The following PTPRN2 variants were observed in gnomAD, a reference collection of about 807,000 sequenced individuals.
PTPRN2 encodes receptor-type tyrosine-protein phosphatase N2.
In PTPRN2, 74 loss-of-function variants were observed where a neutral mutation model predicts 118.8. The ratio of observed to expected loss-of-function variants is 0.62; its 90% CI spans 0.52 to 0.76. The LOEUF is 0.76. PTPRN2 is among the 30% of genes least tolerant of loss of function. The pLI, the probability that PTPRN2 is intolerant of heterozygous loss-of-function variation, is 0.00. For synonymous variants in PTPRN2, 641 were observed against 608.0 expected (o/e 1.05, Z -0.80); for missense variants, 1,481 against 1,394.4 (o/e 1.06, Z -0.99).
At chr7:157,712,796 A>C (rs1798715982) in intron 12 of PTPRN2, among the ~76,000 whole-genome samples, 1 of 150,076 alleles carries the variant, frequency 6.7e-6, no homozygotes, top group South Asian at 2.1e-4. Context: ...ACACAGACAG[A>C]CGTGCACAGG....
At chr7:158,342,970 G>A (rs982967617) in intron 2 of PTPRN2, among the ~76,000 whole-genome samples, 7 of 152,196 alleles carry the variant, frequency 4.6e-5, no homozygotes, top group Admixed American at 3.3e-4. Context: ...AGCACATGCC[G>A]ATGACCAGCT....
intron 5 of PTPRN2, among the ~76,000 whole-genome samples, chr7:158,178,152 G>T (rs890872021): frequency 6.6e-6 from 1 of 152,022 alleles, no homozygotes; most frequent in Admixed American, 6.6e-5. Context: ...ACATTAAATT[G>T]TCACTCATTT....
chr7:158,346,002 T>G (rs1807483474), intron 2 of PTPRN2, among the ~76,000 whole-genome samples: 1 of 152,158 alleles, frequency 6.6e-6, no homozygotes, highest in South Asian at 2.1e-4. Context: ...TCCCCAACGC[T>G]GGGGATTACA....
intron 2 of PTPRN2, among the ~76,000 whole-genome samples, chr7:158,341,859 G>GC (rs11417258): frequency 0.94 from 78,993 of 84,262 alleles, 37,216 homozygotes; most frequent in Admixed American, 0.95. Flanking sequence ...CACCATAAGA[G>GC]TGTGCCCCGC....
chr7:158,093,251 G>C lies in PTPRN2; in HGVS notation c.1644-11874C>G, dbSNP rs528290589. Among the ~76,000 whole-genome samples, 1 of 119,862 alleles carries C rather than the reference G, an allele frequency of 8.3e-6. No individual in the cohort carries two copies. The highest frequency in any genetic ancestry group is 3.3e-5 in the African/African-American group (1 of 30,164). The allele number at this position is 119,862 out of a possible 152,430, so 78.6% of individuals were successfully genotyped here. On this transcript the variant is annotated intron_variant, in intron 10 of 22. Transcript: ENST00000389418. The surrounding 1 kb of genome is among the most constrained non-coding windows in gnomAD (Gnocchi z 4.4). ...CCCCACACTGTAGACCCACACGCAG[G>C]CCTGCACCGTCCTTTCCTGACTCTG...
chr7:157,568,820 C>T, intron 21 of PTPRN2, 82 bp downstream of exon 21: 1 of 1,428,712 alleles, frequency 7.0e-7, no homozygotes, highest in Non-Finnish European at 9.9e-7. Flanking sequence ...CCAGGGCCTC[C>T]CGTGAACACG....
rs567583593 is a variant in PTPRN2 at position 158,577,768 on chromosome 7, C to T, written c.112+9790G>A. ...GATCCCCAAGTATGGGATGTGATGA[C>T]AGGGACAGGGCCCATCCAGGGCCCA... On this transcript the variant is annotated intron_variant, in intron 1 of 22. Transcript: ENST00000389418. 3.3e-5 allele frequency among the ~76,000 whole-genome samples: 5 copies of T among 152,380 alleles called. No homozygotes were observed. The South Asian group carries it at 8.3e-4, about 25-fold the overall frequency.
chr7:157,916,833 C>T (rs370829195), intron 11 of PTPRN2, among the ~76,000 whole-genome samples: 5 of 132,712 alleles, frequency 3.8e-5, no homozygotes, highest in Admixed American at 7.5e-5. Context: ...GGGCTGGCCA[C>T]GCACCCCGGC....
At chr7:158,469,478 A>G (rs948221845) in intron 2 of PTPRN2, among the ~76,000 whole-genome samples, 3 of 152,184 alleles carry the variant, frequency 2.0e-5, no homozygotes, top group Non-Finnish European at 4.4e-5. Flanking sequence ...CTAGTCCACA[A>G]TGAACACACC....
intron 11 of PTPRN2, among the ~76,000 whole-genome samples, chr7:157,973,848 T>G (rs867280221): frequency 2.6e-5 from 4 of 152,228 alleles, no homozygotes; most frequent in Non-Finnish European, 4.4e-5. Flanking sequence ...TAGCGCTGTC[T>G]TTCTTCCGTT....
chr7:158,200,824 C>G (rs1293069441), intron 4 of PTPRN2, among the ~76,000 whole-genome samples: 3 of 151,948 alleles, frequency 2.0e-5, no homozygotes, highest in Non-Finnish European at 4.4e-5. Flanking sequence ...TATAAAATGA[C>G]AATTACAGAT....
chr7:158,171,314 T>TATATATATATATACATAC (rs1823658711), intron 5 of PTPRN2, among the ~76,000 whole-genome samples: 1 of 98,316 alleles, frequency 1.0e-5, no homozygotes, highest in African/African-American at 4.6e-5. Context: ...CACACATATA[T>TATATATATATATACATAC]ATATATATAT....
chr7:158,146,222 A>C (rs1012458250), intron 6 of PTPRN2, among the ~76,000 whole-genome samples: 5 of 152,178 alleles, frequency 3.3e-5, no homozygotes, highest in Non-Finnish European at 2.9e-5. Context: ...AACTTGCTCA[A>C]GATCTAATTC....
intron 14 of PTPRN2, among the ~76,000 whole-genome samples, chr7:157,637,793 C>G (rs1443944765): frequency 1.3e-5 from 2 of 152,208 alleles, no homozygotes; most frequent in Non-Finnish European, 2.9e-5. Context: ...CAGCTTCTCC[C>G]GCTCCCAAGT....
At chr7:158,042,113 T>C (rs1808512341) in intron 11 of PTPRN2, among the ~76,000 whole-genome samples, 2 of 152,196 alleles carry the variant, frequency 1.3e-5, no homozygotes, top group Admixed American at 1.3e-4. Context: ...AAAGAGCCTG[T>C]GAGGGGCCTC....
intron 9 of PTPRN2, among the ~76,000 whole-genome samples, chr7:158,114,773 A>G (rs1563454542): frequency 2.0e-5 from 3 of 152,206 alleles, no homozygotes; most frequent in Non-Finnish European, 4.4e-5. Context: ...AGGGTCCCCA[A>G]GAACTACCAC....
In PTPRN2 at chr7:157,540,728, C is replaced by G. The variant is rs1367270469; in HGVS notation, c.3034G>C (p.Ala1012Pro). The change falls in exon 23 of 23, where the codon GCC becomes CCC. Residue 1012 changes from alanine (A) to proline (P), a missense_variant. Around this residue, in one of 3 missense-constraint regions of PTPRN2, gnomAD observed 362 missense variants for 384.1 expected, o/e 0.94. Transcript: ENST00000389418. ...GAGGCTGCCGCTCACTGGGGAAGGGCCTTGAGGATGGCGTTCACCTCCTCA... is the reference window on the plus strand; with the variant it reads ...GAGGCTGCCGCTCACTGGGGAAGGGGCTTGAGGATGGCGTTCACCTCCTCA... ...VAEEVNAILK[A>P]LPQ 1 of 1,565,654 alleles carries G rather than the reference C, an allele frequency of 6.4e-7. No individual in the cohort carries two copies. Among genetic ancestry groups the G allele is most frequent in the Non-Finnish European group, 8.7e-7 (1 of 1,154,806 alleles).
intron 11 of PTPRN2, among the ~76,000 whole-genome samples, chr7:158,050,773 G>A (rs1424708648): frequency 1.3e-5 from 2 of 152,238 alleles, no homozygotes; most frequent in Non-Finnish European, 2.9e-5. Flanking sequence ...ATCTCCTCAA[G>A]TACCTGCCTA....
intron 1 of PTPRN2, among the ~76,000 whole-genome samples, chr7:158,515,709 GT>G (rs1318766939): frequency 6.6e-6 from 1 of 151,842 alleles, no homozygotes; most frequent in Non-Finnish European, 1.5e-5. Context: ...GTTCCTTCCT[GT>G]TTCCCTACTC....
Sources: allele counts gnomAD v4.1 joint callset (sites outside exome capture counted in the v4.1 genomes callset), GRCh38; gene constraint gnomAD v4.1.1; regional missense constraint gnomAD v4.1.1; non-coding constraint Gnocchi (gnomAD v3.1); transcripts MANE v1.5; gene names NCBI Gene and HGNC (gene_info 2026-07-23, HGNC 2026-07-21).